The following KATNA1 variants were observed in gnomAD, a reference collection of about 807,000 sequenced individuals.
KATNA1 encodes katanin catalytic subunit A1.
In KATNA1, 42 loss-of-function variants were observed where a neutral mutation model predicts 62.6. That is an observed-to-expected ratio of 0.67 (90% CI 0.52 to 0.87). The LOEUF (loss-of-function observed/expected upper bound fraction) is 0.87, where lower values mean the gene tolerates loss of function less well. KATNA1 is among the 40% of genes least tolerant of loss of function. The probability of loss-of-function intolerance (pLI) is 0.00; values close to 1 mark genes in which losing one functional copy is unlikely to be tolerated. For missense variants in KATNA1, 498 were observed against 612.5 expected, an observed-to-expected ratio of 0.81 and a Z score of 1.97; for synonymous variants, 186 against 201.9, an observed-to-expected ratio of 0.92 and a Z score of 0.67.
intron 2 of KATNA1, among the ~76,000 whole-genome samples, chr6:149,634,991 T>A (rs1780015169): frequency 6.6e-6 from 1 of 150,968 alleles, no homozygotes; most frequent in Admixed American, 6.6e-5. Flanking sequence ...CATTCTGTCA[T>A]CCAGTCTGGA....
At chr6:149,642,897 T>C (rs1373334779) in intron 1 of KATNA1, among the ~76,000 whole-genome samples, 3 of 152,204 alleles carry the variant, frequency 2.0e-5, no homozygotes, top group Non-Finnish European at 4.4e-5. Context: ...CTTATATCCA[T>C]GGATAATCAT....
chr6:149,628,001 T>C (rs1286272914), intron 3 of KATNA1, among the ~76,000 whole-genome samples: 4 of 151,968 alleles, frequency 2.6e-5, no homozygotes, highest in African/African-American at 9.7e-5. Flanking sequence ...TGGGAAGATA[T>C]TTGAGGGACA....
At chr6:149,630,848 T>C (rs568110335) in intron 3 of KATNA1, among the ~76,000 whole-genome samples, 13 of 152,206 alleles carry the variant, frequency 8.5e-5, no homozygotes, top group Admixed American at 6.5e-4. Context: ...TAGAGATTGT[T>C]AGGACTGCTA....
At position 149,595,248 on chromosome 6, in the gene KATNA1, T is replaced by TA. The variant is rs779711873; in HGVS notation, c.1278-15dup. ...AAGGACGCATCCCTAGGTTTTAAGTTAAAAACAACAACAACACACACAATG... is the reference window on the plus strand; with the variant it reads ...AAGGACGCATCCCTAGGTTTTAAGTTAAAAAACAACAACAACACACACAATG... On this transcript the variant is annotated splice_polypyrimidine_tract_variant and intron_variant, in intron 10 of 10. Coordinates refer to ENST00000367411, the MANE Select transcript of KATNA1 (RefSeq NM_007044.4). The TA allele has an allele frequency of 2.5e-6, 4 of 1,604,334 alleles. No individual in the cohort carries two copies. In the East Asian group the frequency reaches 6.7e-5, roughly 27 times the overall value.
intron 10 of KATNA1, among the ~76,000 whole-genome samples, chr6:149,596,133 T>A (rs76198492): frequency 0.019 from 2,825 of 152,332 alleles, 115 homozygotes; most frequent in African/African-American, 0.064. Context: ...CTTCTTGAAC[T>A]TGTAGCTTTC....
At chr6:149,629,822 T>G (rs947063440) in intron 3 of KATNA1, among the ~76,000 whole-genome samples, 3 of 152,152 alleles carry the variant, frequency 2.0e-5, no homozygotes, top group Non-Finnish European at 4.4e-5. Flanking sequence ...GAGAAAAAGA[T>G]CTGACATGGT....
chr6:149,604,872 TA>T, intron 4 of KATNA1, 90 bp from the exon 5 acceptor site: 2 of 1,284,434 alleles, frequency 1.6e-6, no homozygotes, highest in Non-Finnish European at 2.2e-6. Flanking sequence ...TGACGTCCTT[TA>T]AAAAGCTAAT....
At chr6:149,601,931 AGAT>A in intron 6 of KATNA1, 179 bp from the exon 7 acceptor site, 2 of 456,098 alleles carry the variant, frequency 4.4e-6, no homozygotes, top group Non-Finnish European at 7.5e-6. Context: ...TTAAAAAAGA[AGAT>A]AACCACATTA....
At chr6:149,607,745 A>C (rs991196131) in intron 4 of KATNA1, among the ~76,000 whole-genome samples, 3 of 152,238 alleles carry the variant, frequency 2.0e-5, no homozygotes, top group African/African-American at 4.8e-5. Context: ...TAGACGGATT[A>C]ATCAGGACAT....
chr6:149,632,719 C>T (rs1779896514), intron 3 of KATNA1, 40 bp downstream of exon 3: 2 of 1,566,956 alleles, frequency 1.3e-6, no homozygotes, highest in Non-Finnish European at 1.7e-6. Context: ...ATGCTATAAG[C>T]TTCTTGGGAT....
At chr6:149,621,718 C>T (rs927891259) in intron 4 of KATNA1, among the ~76,000 whole-genome samples, 5 of 151,698 alleles carry the variant, frequency 3.3e-5, no homozygotes, top group Non-Finnish European at 5.9e-5. Context: ...GTCTAGAGCT[C>T]CTGGCCTCAA....
Position 149,638,598 on chromosome 6 carries a change from A to C in KATNA1, c.-13-38T>G, listed in dbSNP as rs753751069. 5 of 1,416,904 alleles carry C rather than the reference A, an allele frequency of 3.5e-6. No homozygotes were observed. The African/African-American group carries it at 5.8e-5, about 16-fold the overall frequency. 87.8% of individuals were successfully genotyped at this position (1,416,904 alleles called of 1,614,324 possible). A position where few individuals can be genotyped will look rare whatever the true frequency, so the allele number is the denominator to read the frequency against. On this transcript the variant is annotated intron_variant, in intron 1 of 10. Transcript: ENST00000367411. ...AGAAAAAAAGAAACACTTTAGGTTTACATGTCTCTTAAAAATAAGTATAGT... is the reference window on the plus strand; with the variant it reads ...AGAAAAAAAGAAACACTTTAGGTTTCCATGTCTCTTAAAAATAAGTATAGT...
At chr6:149,632,395 A>AGAAAAATCT (rs1779883025) in intron 3 of KATNA1, among the ~76,000 whole-genome samples, 1 of 152,014 alleles carries the variant, frequency 6.6e-6, no homozygotes, top group African/African-American at 2.4e-5. Context: ...AAGAAAAAAA[A>AGAAAAATCT]GAAAAATCTG....
At chr6:149,626,261 T>C (rs962183088) in intron 3 of KATNA1, among the ~76,000 whole-genome samples, 1 of 148,598 alleles carries the variant, frequency 6.7e-6, no homozygotes, top group Non-Finnish European at 1.5e-5. Context: ...CTCTATATAA[T>C]ATAGTGAAAC....
At chr6:149,625,365 T>A (rs1001447048) in intron 3 of KATNA1, among the ~76,000 whole-genome samples, 2 of 152,164 alleles carry the variant, frequency 1.3e-5, no homozygotes, top group African/African-American at 4.8e-5. Flanking sequence ...CCGGGCACGG[T>A]GGCTCACAAT....
At chr6:149,604,632 C>T in intron 5 of KATNA1, 29 bp downstream of exon 5, 1 of 1,611,922 alleles carries the variant, frequency 6.2e-7, no homozygotes, top group Non-Finnish European at 8.5e-7. Flanking sequence ...ATCACCAGCA[C>T]CCAATTATTT....
chr6:149,621,315 G>A (rs1376453175), intron 4 of KATNA1, among the ~76,000 whole-genome samples: 5 of 150,734 alleles, frequency 3.3e-5, no homozygotes, highest in South Asian at 2.1e-4. Context: ...TAGTAGAGAC[G>A]GGGATTCACC....
intron 1 of KATNA1, among the ~76,000 whole-genome samples, chr6:149,640,804 C>T (rs1272807601): frequency 1.3e-5 from 2 of 152,040 alleles, no homozygotes; most frequent in African/African-American, 4.8e-5. Context: ...GCCTCGGCCT[C>T]CCAAAGTGCT....
At chr6:149,604,851 T>A (rs1456711555) in intron 4 of KATNA1, 69 bp from the exon 5 acceptor site, 3 of 1,492,416 alleles carry the variant, frequency 2.0e-6, no homozygotes, top group Non-Finnish European at 2.8e-6. Flanking sequence ...GAAACACAGA[T>A]TGGACTCAAG....
Sources: allele counts gnomAD v4.1 joint callset (sites outside exome capture counted in the v4.1 genomes callset), GRCh38; gene constraint gnomAD v4.1.1; transcripts MANE v1.5; gene names NCBI Gene and HGNC (gene_info 2026-07-23, HGNC 2026-07-21).